Variants in NUTM2F observed in about 807,000 individuals in gnomAD.
NUTM2F encodes family with sequence similarity 22, member F.
Under a neutral mutation model 43.3 loss-of-function variants are expected in NUTM2F, and 22 were observed. That is an observed-to-expected ratio of 0.51 (90% confidence interval 0.36 to 0.73). The LOEUF is 0.73. NUTM2F is among the 30% of genes least tolerant of loss of function. The probability of loss-of-function intolerance (pLI) is 0.00; values close to 1 mark genes in which losing one functional copy is unlikely to be tolerated. For missense variants in NUTM2F, 488 were observed against 927.4 expected (o/e 0.53, Z 6.15); for synonymous variants, 202 against 389.0 (o/e 0.52, Z 5.66).
Position 94,325,180 on chromosome 9 carries a change from C to T in NUTM2F, c.713+58G>A, listed in dbSNP as rs1831434513. On this transcript the variant is annotated intron_variant, in intron 2 of 6. Coordinates refer to ENST00000253262, the MANE Select transcript of NUTM2F (RefSeq NM_017561.2). ...TGAACAGTGTGACCTCCTGTCCATCCAGCAGCCTCTTTATGAGTGAGCTGC... is the reference window on the plus strand; with the variant it reads ...TGAACAGTGTGACCTCCTGTCCATCTAGCAGCCTCTTTATGAGTGAGCTGC... The T allele has an allele frequency of 5.1e-6, 3 of 586,838 alleles. No homozygotes were observed. The Admixed American group carries it at 9.6e-5, about 19-fold the overall frequency. 36.4% of individuals were successfully genotyped at this position (586,838 alleles called of 1,614,324 possible).
Position 94,325,148 on chromosome 9 carries a change from G to T in NUTM2F, c.713+90C>A. The stretch of plus-strand genomic sequence containing the variant: ...CATCACCCTCACAACCGCCCTGCAA[G>T]CTCCCCTGAACAGTGTGACCTCCTG... On this transcript the variant is annotated intron_variant, in intron 2 of 6. Coordinates refer to ENST00000253262, the MANE Select transcript of NUTM2F (RefSeq NM_017561.2). The T allele has an allele frequency of 4.4e-6, 3 of 687,980 alleles. 1 individual carries two copies. In the South Asian group the frequency reaches 6.0e-5, roughly 14 times the overall value. The allele number at this position is 687,980 out of a possible 1,614,324, so 42.6% of individuals were successfully genotyped here.
At chr9:94,324,853 G>A (rs1479644071) in intron 2 of NUTM2F, among the ~76,000 whole-genome samples, 1 of 150,400 alleles carries the variant, frequency 6.6e-6, no homozygotes, top group Non-Finnish European at 1.5e-5. Flanking sequence ...CAGGCATGGT[G>A]GCACATGCCT....
In NUTM2F at chr9:94,320,209, T is replaced by A. The variant is rs1359755940; in HGVS notation, c.1367A>T (p.Lys456Met). ...CCACAGCACTCCAGGCAAGCCCACC[T>A]TGGTGACAAAGTCTTCCTGGGAACA... ...KLCSQEDFVTKVEAVIHPRFL... is the reference protein window; with the variant it reads ...KLCSQEDFVTMVEAVIHPRFL... The change falls in exon 5 of 7, where the codon AAG (lysine) becomes ATG (methionine). Residue 456 changes from lysine (K) to methionine (M), a missense_variant and splice_region_variant. Physicochemically the swap from Lys to Met is moderately conservative, Grantham distance 95. Transcript: ENST00000253262. This position sits in a 1 kb window ranked among gnomAD's most constrained non-coding sequence, Gnocchi z 4.5. 1.2e-6 allele frequency: 2 copies of A among 1,613,308 alleles called. No homozygotes were observed. The highest frequency in any genetic ancestry group is 1.7e-6 in the Non-Finnish European group (2 of 1,179,758).
In NUTM2F at chr9:94,320,566, T is replaced by G; in HGVS notation, c.1010A>C (p.Lys337Thr). 6.2e-7 allele frequency: 1 copy of G among 1,609,164 alleles called. No individual in the cohort carries two copies. Among genetic ancestry groups the G allele is most frequent in the Non-Finnish European group, 8.5e-7 (1 of 1,179,264 alleles). ...PVYLPSKDGP[K>T]APTACLPPPR... ...TGGTGGCAGGCAGGCAGTCGGGGCC[T>G]TGGGGCCATCCTTGCTGGGAAGGTA... is the stretch of plus-strand genomic sequence containing the variant. The change falls in exon 5 of 7, where the codon AAG (lysine) becomes ACG (threonine). Residue 337 changes from lysine (K) to threonine (T), a missense_variant. Coordinates refer to ENST00000253262, the MANE Select transcript of NUTM2F (RefSeq NM_017561.2). The surrounding 1 kb of genome is among the most constrained non-coding windows in gnomAD (Gnocchi z 4.5).
intron 1 of NUTM2F, among the ~76,000 whole-genome samples, chr9:94,327,337 C>T (rs1379262475): frequency 1.3e-5 from 2 of 151,518 alleles, no homozygotes; most frequent in Non-Finnish European, 2.9e-5. Context: ...CTCCTGACCT[C>T]GTGATCCACA....
chr9:94,319,875 G>A (rs1355207424), intron 5 of NUTM2F, 146 bp from the exon 6 acceptor site: 2 of 1,028,894 alleles, frequency 1.9e-6, no homozygotes, highest in Non-Finnish European at 1.5e-6. Flanking sequence ...CCAGCTACAC[G>A]CACAGACCAC....
Position 94,320,376 on chromosome 9 carries a change from G to A in NUTM2F, c.1200C>T (p.Asp400=). The A allele has an allele frequency of 1.9e-6, 3 of 1,613,400 alleles. No homozygotes were observed. The highest frequency in any genetic ancestry group is 1.7e-5 in the Admixed American group (1 of 60,018). Residue 400 remains aspartate (D), a synonymous_variant, in exon 5 of 7, where the codon GAC becomes GAT. Transcript: ENST00000253262. The surrounding 1 kb of genome is among the most constrained non-coding windows in gnomAD (Gnocchi z 4.5). ...IPPEVVQEYV[D]IMEELLGSHP... is the part of the protein sequence containing the mutation. ...GAGACCCCAGCAGCTCCTCCATGAT[G>A]TCCACATACTCCTGCACCACTTCAG... is the stretch of plus-strand genomic sequence containing the variant.
At chr9:94,324,657 C>T (rs545571937) in intron 2 of NUTM2F, among the ~76,000 whole-genome samples, 2 of 131,608 alleles carry the variant, frequency 1.5e-5, no homozygotes, top group South Asian at 2.5e-4. Flanking sequence ...AGTGAGACTC[C>T]ATCTCAAAAA....
chr9:94,322,467 C>T (rs1006913141), intron 2 of NUTM2F, 138 bp from the exon 3 acceptor site: 1 of 1,421,086 alleles, frequency 7.0e-7, no homozygotes, highest in Non-Finnish European at 9.7e-7. Context: ...ATGTGGGCTC[C>T]TCAGCCTCCA....
chr9:94,323,271 C>T (rs1287114564), intron 2 of NUTM2F, among the ~76,000 whole-genome samples: 3 of 152,120 alleles, frequency 2.0e-5, no homozygotes, highest in Non-Finnish European at 4.4e-5. Flanking sequence ...GTGGGGGCAG[C>T]GAGACTGTTG....
rs532361915 is a variant in NUTM2F at position 94,326,028 on chromosome 9, G to A, written c.17-94C>T. The A allele has an allele frequency of 4.0e-4, 555 of 1,397,414 alleles. 2 individuals carry two copies. In the African/African-American group the frequency reaches 7.0e-3, roughly 18 times the overall value. The allele number at this position is 1,397,414 out of a possible 1,614,324, so 86.6% of individuals were successfully genotyped here. A position where few individuals can be genotyped will look rare whatever the true frequency, so the allele number is the denominator to read the frequency against. On this transcript the variant is annotated intron_variant, in intron 1 of 6. Coordinates refer to ENST00000253262, the MANE Select transcript of NUTM2F (RefSeq NM_017561.2). ...GGGGAGTCCCAACAGCTGAGGGCAT[G>A]TGACAGGGAAACTCTGCAGCTTGCA...
chr9:94,325,995 G>A, intron 1 of NUTM2F, 61 bp from the exon 2 acceptor site: 2 of 1,590,864 alleles, frequency 1.3e-6, no homozygotes, highest in South Asian at 1.1e-5. Context: ...CTAGTCACTG[G>A]GGAATCAGGG....
rs1194674440 is a variant in NUTM2F at position 94,328,613 on chromosome 9, T to C, written c.11A>G (p.Asn4Ser). 6.2e-7 allele frequency: 1 copy of C among 1,613,408 alleles called. No homozygotes were observed. The highest frequency in any genetic ancestry group is 2.2e-5 in the East Asian group (1 of 44,844). The change falls in exon 1 of 7, where the codon AAT becomes AGT. Residue 4 changes from asparagine to serine, a missense_variant. Coordinates refer to ENST00000253262, the MANE Select transcript of NUTM2F (RefSeq NM_017561.2). Reference sequence around the variant, plus strand: ...CCCCATCCCTACAGGCTCACCTCCATTTGAAGCCATCCCCTCAGGCTGGGC... The same window carrying C: ...CCCCATCCCTACAGGCTCACCTCCACTTGAAGCCATCCCCTCAGGCTGGGC... The part of the protein sequence containing the change: MAS[N>S]GAYPVLGPGV...
intron 2 of NUTM2F, among the ~76,000 whole-genome samples, chr9:94,324,257 G>A (rs1831420226): frequency 6.6e-6 from 1 of 151,712 alleles, no homozygotes; most frequent in South Asian, 2.1e-4. Flanking sequence ...GTGACAGTGC[G>A]AGACTCCATC....
chr9:94,324,688 A>G (rs1266219005), intron 2 of NUTM2F, among the ~76,000 whole-genome samples: 6 of 145,076 alleles, frequency 4.1e-5, no homozygotes, highest in Non-Finnish European at 9.0e-5. Context: ...AGAAAAGAAA[A>G]GAAAAGAAAG....
intron 1 of NUTM2F, 106 bp downstream of exon 1, chr9:94,328,502 C>G (rs1336584786): frequency 1.2e-5 from 19 of 1,571,496 alleles, no homozygotes; most frequent in Non-Finnish European, 1.4e-5. Flanking sequence ...GTGCTCCCTC[C>G]CTCAACATCA....
intron 2 of NUTM2F, among the ~76,000 whole-genome samples, chr9:94,322,701 C>T (rs1327851364): frequency 1.3e-5 from 2 of 151,768 alleles, no homozygotes; most frequent in African/African-American, 4.8e-5. Context: ...TCATGGAATC[C>T]GAGCTCTGAT....
intron 2 of NUTM2F, among the ~76,000 whole-genome samples, chr9:94,323,508 T>G (rs1456664461): frequency 1.3e-5 from 2 of 152,092 alleles, no homozygotes; most frequent in African/African-American, 4.8e-5. Context: ...AGTCCACGGC[T>G]CTGGGCTGCT....
At position 94,320,249 on chromosome 9, in the gene NUTM2F, A is replaced by G; in HGVS notation, c.1327T>C (p.Tyr443His). 6.2e-7 allele frequency: 1 copy of G among 1,613,962 alleles called. No homozygotes were observed. Residue 443 changes from tyrosine to histidine, a missense_variant, in exon 5 of 7, where the codon TAC (tyrosine) becomes CAC (histidine). By Grantham distance (83) the Tyr-to-His change is moderately conservative. Coordinates refer to ENST00000253262, the MANE Select transcript of NUTM2F (RefSeq NM_017561.2). The surrounding 1 kb of genome is among the most constrained non-coding windows in gnomAD (Gnocchi z 4.5). ...TCCTGGGAACACAGCTTGTCAATGT[A>G]GCTCAGGAGGCCCGGGTCTGAGGTT... ...GITSDPGLLS[Y>H]IDKLCSQEDF...
Sources: gnomAD v4.1 joint callset for allele counts (sites outside exome capture counted in the v4.1 genomes callset) on GRCh38, gnomAD v4.1.1 for gene constraint, Gnocchi (gnomAD v3.1) non-coding constraint, MANE v1.5 for transcripts, NCBI Gene and HGNC (gene_info 2026-07-23, HGNC 2026-07-21) for gene names.